Variants in PLXNC1 observed in about 807,000 individuals in gnomAD.
PLXNC1 encodes plexin-C1.
PLXNC1 carries 75 observed loss-of-function variants against 178.2 expected under a neutral mutation model. The observed-to-expected ratio is 0.42, with a 90% CI of 0.35 to 0.51. The LOEUF (loss-of-function observed/expected upper bound fraction) is 0.51, where lower values mean the gene tolerates loss of function less well. Among genes scored for constraint, PLXNC1 ranks in the 20% least tolerant of loss-of-function variants. The pLI is 0.02. For missense variants in PLXNC1, 1,503 were observed against 1,984.4 expected, an observed-to-expected ratio of 0.76 and a Z score of 4.61; for synonymous variants, 790 against 779.9, an observed-to-expected ratio of 1.01 and a Z score of -0.22.
In PLXNC1 at chr12:94,149,246, C is replaced by G. The variant is rs1291157449; in HGVS notation, c.275C>G (p.Ser92Trp). The G allele has an allele frequency of 1.7e-5, 27 of 1,554,796 alleles. No homozygotes were observed. In the East Asian group the frequency reaches 6.9e-4, roughly 40 times the overall value. The change falls in exon 1 of 31, where the codon TCG becomes TGG. Residue 92 changes from serine to tryptophan, a missense_variant. Physicochemically the swap from Ser to Trp is radical, Grantham distance 177. Transcript: ENST00000258526. ...DQAGNCTEPV[S>W]LAPPARPRPG... ...GCGGGCAACTGCACAGAGCCGGTCT[C>G]GCTGGCGCCCCCCGCGCGGCCCCGG...
intron 4 of PLXNC1, among the ~76,000 whole-genome samples, chr12:94,202,232 T>C (rs944321379): frequency 6.6e-6 from 1 of 152,186 alleles, no homozygotes; most frequent in Admixed American, 6.5e-5. Context: ...GTTTATTTGG[T>C]TTTTGTCTAT....
intron 9 of PLXNC1, among the ~76,000 whole-genome samples, chr12:94,227,959 G>A (rs192857216): frequency 2.0e-5 from 3 of 152,198 alleles, no homozygotes; most frequent in East Asian, 3.9e-4. Context: ...TCCTGCCCTC[G>A]CTAACCTTGG....
intron 1 of PLXNC1, chr12:94,158,020 G>A (rs1419634037): frequency 6.6e-6 from 1 of 152,162 alleles, no homozygotes; most frequent in Non-Finnish European, 1.5e-5. Context: ...TGAAAAACAG[G>A]CAACAAGCCA....
intron 1 of PLXNC1, among the ~76,000 whole-genome samples, chr12:94,154,883 A>G (rs76122034): frequency 0.025 from 3,844 of 152,340 alleles, 58 homozygotes; most frequent in Middle Eastern, 0.041. Context: ...CATAGTACCC[A>G]GTATGTAGTT....
chr12:94,171,593 A>G (rs1174246714), intron 2 of PLXNC1, among the ~76,000 whole-genome samples: 1 of 152,150 alleles, frequency 6.6e-6, no homozygotes, highest in Non-Finnish European at 1.5e-5. Context: ...AAGATCCCCT[A>G]TGCTGCACTG....
chr12:94,240,693 C>G, intron 11 of PLXNC1, 29 bp downstream of exon 11: 1 of 1,547,072 alleles, frequency 6.5e-7, no homozygotes. Context: ...ATCTTTTTCT[C>G]ATTGTGGTTA....
intron 28 of PLXNC1, among the ~76,000 whole-genome samples, chr12:94,302,371 CATTTTATTCATTCGACAAATAT>C (rs60624932): frequency 0.012 from 1,876 of 152,272 alleles, 32 homozygotes; most frequent in African/African-American, 0.043. Context: ...TCATCATAAA[CATTTTATTCATTCGACAAATAT>C]GATTTCCTAA....
At chr12:94,191,350 TA>T (rs1369889406) in intron 4 of PLXNC1, among the ~76,000 whole-genome samples, 1 of 152,258 alleles carries the variant, frequency 6.6e-6, no homozygotes, top group East Asian at 1.9e-4. Context: ...GTGTTTATTT[TA>T]AATGTCATGG....
At chr12:94,226,081 T>C (rs1055292138) in intron 7 of PLXNC1, among the ~76,000 whole-genome samples, 1 of 152,198 alleles carries the variant, frequency 6.6e-6, no homozygotes, top group African/African-American at 2.4e-5. Flanking sequence ...TACCCAATCA[T>C]GATAGGTGAT....
intron 21 of PLXNC1, among the ~76,000 whole-genome samples, chr12:94,269,143 GT>G (rs1459290434): frequency 6.6e-6 from 1 of 152,166 alleles, no homozygotes; most frequent in Non-Finnish European, 1.5e-5. Flanking sequence ...AGGTTGACTT[GT>G]AATCAAAGTT....
intron 1 of PLXNC1, among the ~76,000 whole-genome samples, chr12:94,160,539 G>T (rs1022295808): frequency 2.6e-5 from 4 of 152,130 alleles, no homozygotes; most frequent in African/African-American, 9.7e-5. Context: ...TTCTCCTGAG[G>T]CTCCTTTCTC....
In PLXNC1 at chr12:94,162,399, G is replaced by A. The variant is rs949188869; in HGVS notation, c.1063-6754G>A. On this transcript the variant is annotated intron_variant, in intron 1 of 30. Coordinates refer to ENST00000258526, the MANE Select transcript of PLXNC1 (RefSeq NM_005761.3). ...AGGAGAAGAATGGCAAGGAATGGGT[G>A]TGAAGACGTCATCAGGGATCAGCTC... 2.6e-5 allele frequency among the ~76,000 whole-genome samples: 4 copies of A among 152,172 alleles called. No individual in the cohort carries two copies. In the East Asian group the frequency reaches 5.8e-4, roughly 22 times the overall value.
At chr12:94,282,644 C>A (rs1231302059) in intron 23 of PLXNC1, among the ~76,000 whole-genome samples, 4 of 152,184 alleles carry the variant, frequency 2.6e-5, no homozygotes. Context: ...ACTCTCTCCA[C>A]CCTGAGGTTC....
intron 9 of PLXNC1, 75 bp from the exon 10 acceptor site, chr12:94,237,589 C>T (rs1166218336): frequency 1.6e-5 from 21 of 1,288,580 alleles, no homozygotes; most frequent in East Asian, 7.1e-5. Flanking sequence ...CGAACTGCAG[C>T]GTATAAACAG....
At chr12:94,169,940 A>G (rs532197639) in intron 2 of PLXNC1, among the ~76,000 whole-genome samples, 1 of 152,314 alleles carries the variant, frequency 6.6e-6, no homozygotes, top group African/African-American at 2.4e-5. Flanking sequence ...GAGGAGGAGA[A>G]AATAAAATCA....
At chr12:94,212,782 C>T (rs528636758) in intron 5 of PLXNC1, among the ~76,000 whole-genome samples, 1 of 149,438 alleles carries the variant, frequency 6.7e-6, no homozygotes, top group African/African-American at 2.5e-5. Flanking sequence ...TGCAGTGGCA[C>T]GATCTTGGCT....
chr12:94,303,620 G>C lies in PLXNC1; in HGVS notation c.4387-136G>C, dbSNP rs76993695. The C allele has an allele frequency of 1.8e-3, 1,204 of 664,968 alleles. 17 individuals are homozygous for C. The African/African-American group carries it at 0.021, about 12-fold the overall frequency. The allele number at this position is 664,968 out of a possible 1,614,324, so 41.2% of individuals were successfully genotyped here. A position where few individuals can be genotyped will look rare whatever the true frequency, so the allele number is the denominator to read the frequency against. On this transcript the variant is annotated intron_variant, in intron 28 of 30. Transcript: ENST00000258526. The stretch of plus-strand genomic sequence containing the variant: ...CAACATTTAAGGCCTACTGCATGAA[G>C]CCTTGTTAGCAAGAGGTAAAACTGG...
chr12:94,213,621 T>A, intron 5 of PLXNC1, among the ~76,000 whole-genome samples: 1 of 152,218 alleles, frequency 6.6e-6, no homozygotes, highest in Non-Finnish European at 1.5e-5. Context: ...ACTCTGATGG[T>A]AGTTTCTTTT....
At position 94,220,150 on chromosome 12, in the gene PLXNC1, A is replaced by G. The variant is rs762067514; in HGVS notation, c.1689A>G (p.Arg563=). The G allele has an allele frequency of 6.2e-7, 1 of 1,613,834 alleles. No homozygotes were observed. The highest frequency in any genetic ancestry group is 8.5e-7 in the Non-Finnish European group (1 of 1,179,854). Residue 563 remains arginine, a synonymous_variant, in exon 6 of 31, where the codon AGA becomes AGG. Coordinates refer to ENST00000258526, the MANE Select transcript of PLXNC1 (RefSeq NM_005761.3). ...CCTGCACCTGTAGCATCCCAACCAG[A>G]GCAACCTACAAAGGTATGTGGATTC... The part of the protein sequence containing the change: ...NRTCTCSIPT[R]ATYKDVSVVN...
Sources: gnomAD v4.1 joint callset for allele counts (sites outside exome capture counted in the v4.1 genomes callset) on GRCh38, gnomAD v4.1.1 for gene constraint, MANE v1.5 for transcripts, NCBI Gene and HGNC (gene_info 2026-07-23, HGNC 2026-07-21) for gene names.